CD109: variants seen among roughly 807,000 people sequenced by gnomAD.
CD109 encodes CD109 molecule.
In CD109, 149 loss-of-function variants were observed where a neutral mutation model predicts 165.8. That is an observed-to-expected ratio of 0.90 (90% CI 0.79 to 1.03). The LOEUF (loss-of-function observed/expected upper bound fraction) is 1.03, where lower values mean the gene tolerates loss of function less well. Ranked by LOEUF, CD109 falls within the 50% of genes least tolerant of loss-of-function variation. CD109 has a pLI of 0.00. For missense variants in CD109, 1,712 were observed against 1,677.8 expected (o/e 1.02, Z -0.36); for synonymous variants, 585 against 592.1 (o/e 0.99, Z 0.18).
chr6:73,794,308 C>G (rs6908109), intron 23 of CD109, among the ~76,000 whole-genome samples: 82,065 of 151,908 alleles, frequency 0.54, 22,647 homozygotes, highest in African/African-American at 0.65. Flanking sequence ...TGGGATAATT[C>G]TGATTTGCAG....
chr6:73,803,358 C>A, intron 24 of CD109, 57 bp downstream of exon 24: 2 of 1,253,770 alleles, frequency 1.6e-6, no homozygotes, highest in South Asian at 1.2e-5. Flanking sequence ...TTCACTAGGT[C>A]ACAATAGCCA....
At chr6:73,775,493 C>T (rs754074548) in intron 15 of CD109, among the ~76,000 whole-genome samples, 17 of 152,102 alleles carry the variant, frequency 1.1e-4, no homozygotes, top group Non-Finnish European at 2.2e-4. Context: ...CCCCTCGCCC[C>T]TGTAACCATC....
chr6:73,755,365 A>G (rs1217654752), intron 5 of CD109, among the ~76,000 whole-genome samples: 1 of 152,170 alleles, frequency 6.6e-6, no homozygotes, highest in African/African-American at 2.4e-5. Flanking sequence ...TTACATGACA[A>G]TGTTGAAGCC....
In CD109 at chr6:73,742,914, GT is replaced by G. The variant is rs536345851; in HGVS notation, c.633+6412del. On this transcript the variant is annotated intron_variant, in intron 5 of 32. Coordinates refer to ENST00000287097, the MANE Select transcript of CD109 (RefSeq NM_133493.5). ...ATAAGCACTCAAGGAAATTCTACTA[GT>G]TTTTTGAACCACATTTTGAGAAGTG... Among the ~76,000 whole-genome samples the G allele has an allele frequency of 2.0e-5, 3 of 152,282 alleles. No homozygotes were observed. In the South Asian group the frequency reaches 6.2e-4, roughly 32 times the overall value.
chr6:73,691,971 C>T (rs1770698959), upstream of CD109, among the ~76,000 whole-genome samples: 1 of 152,058 alleles, frequency 6.6e-6, no homozygotes, highest in African/African-American at 2.4e-5. Flanking sequence ...TTTAACATTG[C>T]CAAAGTATGG....
At chr6:73,756,608 A>G (rs1489850742) in intron 5 of CD109, 35 bp from the exon 6 acceptor site, 6 of 1,441,592 alleles carry the variant, frequency 4.2e-6, no homozygotes, top group East Asian at 2.5e-5. Flanking sequence ...GAACTCATAT[A>G]CTTTCCTGTC....
the CD109 span, among the ~76,000 whole-genome samples, chr6:73,689,116 A>G: frequency 6.6e-6 from 1 of 152,164 alleles, no homozygotes; most frequent in African/African-American, 2.4e-5. Context: ...CCATTGGGCG[A>G]CATCTTTCAA....
chr6:73,762,639 A>G lies in CD109; in HGVS notation c.856-102A>G, dbSNP rs866229407. The G allele has an allele frequency of 5.8e-6, 6 of 1,027,690 alleles. No individual in the cohort carries two copies. The Middle Eastern group carries it at 9.6e-4, about 164-fold the overall frequency. 63.7% of individuals were successfully genotyped at this position (1,027,690 alleles called of 1,614,324 possible). ...AATTTATGCAATTATAGCGATTAAA[A>G]TGGTACCAGAGCTATCATATTGTTG... is the stretch of plus-strand genomic sequence containing the variant. On this transcript the variant is annotated intron_variant, in intron 8 of 32. Coordinates refer to ENST00000287097, the MANE Select transcript of CD109 (RefSeq NM_133493.5).
In CD109 at chr6:73,765,932, G is replaced by A; in HGVS notation, c.1110G>A (p.Val370=). Reference sequence around the variant, plus strand: ...AGATGTTTTGTTTTGACCATTAGGTGAAGGTAACTCGTGCTGATGGCAACC... The same window carrying A: ...AGATGTTTTGTTTTGACCATTAGGTAAAGGTAACTCGTGCTGATGGCAACC... ...LKPSLNFTAT[V]KVTRADGNQL... The change falls in exon 11 of 33, where the codon GTG becomes GTA. Residue 370 remains valine (V), a splice_region_variant and synonymous_variant. Transcript: ENST00000287097. 1.2e-6 allele frequency: 2 copies of A among 1,609,022 alleles called. No homozygotes were observed. Among genetic ancestry groups the A allele is most frequent in the Non-Finnish European group, 1.7e-6 (2 of 1,175,972 alleles).
chr6:73,772,361 C>T (rs892686843), intron 15 of CD109, among the ~76,000 whole-genome samples: 9 of 151,816 alleles, frequency 5.9e-5, no homozygotes, highest in South Asian at 2.1e-4. Context: ...AAAAATTAGC[C>T]GGGCGCGGTG....
intron 2 of CD109, among the ~76,000 whole-genome samples, chr6:73,705,155 G>A (rs1771218643): frequency 6.6e-6 from 1 of 152,148 alleles, no homozygotes; most frequent in African/African-American, 2.4e-5. Context: ...ATGAGTTTGG[G>A]GAGACATCCA....
intron 25 of CD109, 42 bp downstream of exon 25, chr6:73,807,114 A>C: frequency 6.7e-7 from 1 of 1,497,642 alleles, no homozygotes. Context: ...TGGGAAATTC[A>C]AGGAAGGTAG....
intron 2 of CD109, among the ~76,000 whole-genome samples, chr6:73,702,716 C>T (rs1233993149): frequency 2.0e-5 from 3 of 152,162 alleles, no homozygotes. Flanking sequence ...GTCATGATCT[C>T]ACTAGGCTTC....
intron 3 of CD109, among the ~76,000 whole-genome samples, chr6:73,729,491 GTTATTA>G (rs144709719): frequency 0.28 from 39,385 of 141,860 alleles, 5,510 homozygotes; most frequent in Non-Finnish European, 0.31. Flanking sequence ...GACTTCTATT[GTTATTA>G]TTATTATTAT....
At chr6:73,797,859 ACTT>A (rs1427973489) in intron 23 of CD109, among the ~76,000 whole-genome samples, 2 of 152,106 alleles carry the variant, frequency 1.3e-5, no homozygotes, top group Non-Finnish European at 2.9e-5. Context: ...GAGCCTCTGG[ACTT>A]CTTCTGCATT....
At chr6:73,787,511 A>G in intron 21 of CD109, 59 bp downstream of exon 21, 1 of 1,403,836 alleles carries the variant, frequency 7.1e-7, no homozygotes, top group Non-Finnish European at 9.8e-7. Context: ...AAGGAAGCAG[A>G]AGGTTTTTTC....
intron 10 of CD109, 34 bp downstream of exon 10, chr6:73,763,719 G>T: frequency 9.2e-7 from 1 of 1,090,650 alleles, no homozygotes; most frequent in Non-Finnish European, 1.3e-6. Flanking sequence ...GTCCATAGCA[G>T]TAAGTTCAGC....
chr6:73,713,627 T>G (rs548822848), intron 2 of CD109, among the ~76,000 whole-genome samples: 1 of 152,282 alleles, frequency 6.6e-6, no homozygotes, highest in African/African-American at 2.4e-5. Context: ...GTCTGAGCAG[T>G]AGGACCCAGG....
At chr6:73,818,357 A>C (rs2150309894) in intron 30 of CD109, 31 bp from the exon 31 acceptor site, 1 of 1,612,282 alleles carries the variant, frequency 6.2e-7, no homozygotes, top group East Asian at 2.2e-5. Context: ...TTTCCTGAGG[A>C]GTTTTCATTC....
Sources: gnomAD v4.1 joint callset for allele counts (sites outside exome capture counted in the v4.1 genomes callset) on GRCh38, gnomAD v4.1.1 for gene constraint, MANE v1.5 for transcripts, NCBI Gene and HGNC (gene_info 2026-07-23, HGNC 2026-07-21) for gene names.